Variants in SYNE1 observed in about 807,000 individuals in gnomAD.
SYNE1 encodes nesprin-1.
SYNE1 carries 616 observed loss-of-function variants against 1,111.0 expected under a neutral mutation model. The observed-to-expected ratio is 0.55, with a 90% confidence interval of 0.52 to 0.59. The LOEUF is 0.59. SYNE1 is among the 20% of genes least tolerant of loss of function. SYNE1 has a pLI of 0.00. For synonymous variants in SYNE1, 3,855 were observed against 3,825.8 expected, an observed-to-expected ratio of 1.01 and a Z score of -0.28; for missense variants, 10,006 against 10,417.0, an observed-to-expected ratio of 0.96 and a Z score of 1.72.
At chr6:152,275,724 T>C (rs2093570054) in intron 98 of SYNE1, among the ~76,000 whole-genome samples, 1 of 131,646 alleles carries the variant, frequency 7.6e-6, no homozygotes, top group Admixed American at 8.2e-5. Flanking sequence ...CTACAAAAAA[T>C]TAAAAAAATT....
intron 2 of SYNE1, among the ~76,000 whole-genome samples, chr6:152,629,705 G>A (rs1007204486): frequency 1.3e-5 from 2 of 152,054 alleles, no homozygotes; most frequent in Non-Finnish European, 2.9e-5. Flanking sequence ...AGAAGAGGGG[G>A]TGAATAATGC....
rs201231665 is a variant in SYNE1, at chr6:152,395,089, C to CT, written c.7712+426dup. ...TGAGCCACCGCACCTGGCAAGCACTCTTTTTTTCTTTTTTTTATCTTTACA... is the reference window on the plus strand; with the variant it reads ...TGAGCCACCGCACCTGGCAAGCACTCTTTTTTTTCTTTTTTTTATCTTTACA... On this transcript the variant is annotated intron_variant, in intron 51 of 145. Transcript: ENST00000367255. Among the ~76,000 whole-genome samples the CT allele has an allele frequency of 4.0e-3, 589 of 148,538 alleles. 14 individuals carry two copies. In the East Asian group the frequency reaches 0.087, roughly 22 times the overall value.
intron 63 of SYNE1, 118 bp downstream of exon 63, chr6:152,364,729 G>GAAA: frequency 2.2e-6 from 2 of 928,880 alleles, no homozygotes; most frequent in South Asian, 1.4e-5. Flanking sequence ...AGGAAGGAAG[G>GAAA]GAGGAAGGAA....
chr6:152,413,904 G>A (rs1290112902), intron 41 of SYNE1, among the ~76,000 whole-genome samples: 1 of 151,516 alleles, frequency 6.6e-6, no homozygotes, highest in Non-Finnish European at 1.5e-5. Context: ...TGGGCCATGA[G>A]GTTCAATCCA....
At chr6:152,337,606 A>G (rs1280742558) in intron 75 of SYNE1, among the ~76,000 whole-genome samples, 1 of 152,210 alleles carries the variant, frequency 6.6e-6, no homozygotes, top group Non-Finnish European at 1.5e-5. Flanking sequence ...AATAAGTTTT[A>G]TCAATGTATT....
At chr6:152,317,227 CTTTTTTCTTTTTTT>C (rs1177377382) in intron 86 of SYNE1, among the ~76,000 whole-genome samples, 4 of 139,982 alleles carry the variant, frequency 2.9e-5, no homozygotes, top group Non-Finnish European at 1.5e-5. Flanking sequence ...TTTCTTTTTT[CTTTTTTCTTTTTTT>C]TTTTTTTCCA....
chr6:152,137,616 A>T (rs2057369203), intron 140 of SYNE1, among the ~76,000 whole-genome samples: 1 of 152,174 alleles, frequency 6.6e-6, no homozygotes, highest in South Asian at 2.1e-4. Context: ...TTAGTAATTG[A>T]GTATCTAGGT....
intron 3 of SYNE1, among the ~76,000 whole-genome samples, chr6:152,556,223 A>G (rs1307737430): frequency 6.6e-6 from 1 of 152,218 alleles, no homozygotes; most frequent in Admixed American, 6.5e-5. Context: ...TGAGTAGAGC[A>G]CAGAAATAAA....
intron 3 of SYNE1, among the ~76,000 whole-genome samples, chr6:152,596,462 G>C (rs2099582196): frequency 6.6e-6 from 1 of 152,024 alleles, no homozygotes; most frequent in African/African-American, 2.4e-5. Flanking sequence ...CACCATGTTG[G>C]CCATGCTGGT....
At chr6:152,186,343 G>C (rs895432497) in intron 128 of SYNE1, among the ~76,000 whole-genome samples, 1 of 151,928 alleles carries the variant, frequency 6.6e-6, no homozygotes, top group Non-Finnish European at 1.5e-5. Flanking sequence ...GATCACCTGG[G>C]GTCGGGAGTT....
Position 152,318,224 on chromosome 6 carries a change from T to C in SYNE1, c.16429A>G (p.Met5477Val), listed in dbSNP as rs1435996818. The C allele has an allele frequency of 1.9e-6, 3 of 1,614,090 alleles. No individual in the cohort carries two copies. The highest frequency in any genetic ancestry group is 1.7e-5 in the Admixed American group (1 of 60,004). The change falls in exon 86 of 146, where the codon ATG becomes GTG. Residue 5477 changes from methionine (M) to valine (V), a missense_variant. Physicochemically the swap from Met to Val is conservative, Grantham distance 21. Around this residue, in one of 7 missense-constraint regions of SYNE1, gnomAD observed 4,955 missense variants for 5,017.2 expected, o/e 0.99. Transcript: ENST00000367255. ...EELDGCNSKL[M>V]ELDAAVQKFL... ...TTCTGTACTGCTGCATCTAATTCCA[T>C]TAACTTTGAATTACAGCCATCTAAT...
chr6:152,527,219 A>G (rs1266680810), intron 4 of SYNE1, among the ~76,000 whole-genome samples: 1 of 152,192 alleles, frequency 6.6e-6, no homozygotes, highest in Non-Finnish European at 1.5e-5. Flanking sequence ...TTGGAATGTA[A>G]CTTTTTTTCT....
chr6:152,340,243 C>T (rs996591861), intron 74 of SYNE1, among the ~76,000 whole-genome samples: 1 of 152,110 alleles, frequency 6.6e-6, no homozygotes, highest in African/African-American at 2.4e-5. Flanking sequence ...GGTAGAGAGA[C>T]AGCAAATGCA....
chr6:152,199,975 G>T (rs756840037), intron 127 of SYNE1, among the ~76,000 whole-genome samples: 6 of 152,168 alleles, frequency 3.9e-5, no homozygotes, highest in Non-Finnish European at 8.8e-5. Flanking sequence ...AAACCATCTA[G>T]GTTAATTAAA....
chr6:152,425,131 C>T (rs113171321), intron 39 of SYNE1, among the ~76,000 whole-genome samples: 182 of 152,186 alleles, frequency 1.2e-3, no homozygotes, highest in African/African-American at 3.5e-3. Context: ...GCAATCCTAC[C>T]GTCTTTAATC....
chr6:152,627,197 T>C (rs568324937), intron 3 of SYNE1, among the ~76,000 whole-genome samples: 100 of 152,294 alleles, frequency 6.6e-4, no homozygotes, highest in South Asian at 3.1e-3. Flanking sequence ...AGTGAATATA[T>C]CATTGGGATT....
At chr6:152,536,892 G>A (rs564314084) in intron 4 of SYNE1, among the ~76,000 whole-genome samples, 3 of 152,146 alleles carry the variant, frequency 2.0e-5, no homozygotes, top group South Asian at 4.1e-4. Flanking sequence ...GCATTTTCTT[G>A]TGTGAGGGTT....
intron 83 of SYNE1, 58 bp from the exon 84 acceptor site, chr6:152,321,448 A>G: frequency 6.3e-7 from 1 of 1,582,394 alleles, no homozygotes; most frequent in Non-Finnish European, 8.6e-7. Context: ...ACTGTTATAG[A>G]CAAGGCTGTA....
intron 131 of SYNE1, 28 bp from the exon 132 acceptor site, chr6:152,156,125 C>T: frequency 6.2e-7 from 1 of 1,613,306 alleles, no homozygotes; most frequent in Non-Finnish European, 8.5e-7. Context: ...AGGCTTTATT[C>T]AACAATTACA....
Sources: allele counts gnomAD v4.1 joint callset (sites outside exome capture counted in the v4.1 genomes callset), GRCh38; gene constraint gnomAD v4.1.1; regional missense constraint gnomAD v4.1.1; transcripts MANE v1.5; gene names NCBI Gene and HGNC (gene_info 2026-07-23, HGNC 2026-07-21).